Variants in MGAT5B observed in about 807,000 individuals in gnomAD.
The protein encoded by MGAT5B is alpha-1,6-mannosylglycoprotein 6-beta-N-acetylglucosaminyltransferase B, also known as N-acetylglucosaminyl-transferase Vb.
MGAT5B carries 54 observed loss-of-function variants against 95.1 expected under a neutral mutation model. That is an observed-to-expected ratio of 0.57 (90% confidence interval 0.46 to 0.71). The LOEUF (loss-of-function observed/expected upper bound fraction) is 0.71. Ranked by LOEUF, MGAT5B falls within the 30% of genes least tolerant of loss-of-function variation. The pLI is 0.00. For missense variants in MGAT5B, 935 were observed against 1,088.6 expected, an observed-to-expected ratio of 0.86 and a Z score of 1.99; for synonymous variants, 464 against 451.0, an observed-to-expected ratio of 1.03 and a Z score of -0.36.
At position 76,904,395 on chromosome 17, in the gene MGAT5B, G is replaced by A; in HGVS notation, c.663G>A (p.Arg221=). The A allele has an allele frequency of 6.4e-7, 1 of 1,565,064 alleles. No homozygotes were observed. Among genetic ancestry groups the A allele is most frequent in the Admixed American group, 1.9e-5 (1 of 52,326 alleles). Residue 221 remains arginine (R), a synonymous_variant, in exon 6 of 18, where the codon AGG becomes AGA. Transcript: ENST00000569840. ...LPWRNQTAAQ[R]APKPLPKVQA... ...GGAGGAACCAGACGGCTGCCCAGAG[G>A]GCACCCAAGCCCCTCCCCAAAGTCC...
At chr17:76,936,985 G>A (rs1027901450) in intron 12 of MGAT5B, among the ~76,000 whole-genome samples, 1 of 148,362 alleles carries the variant, frequency 6.7e-6, no homozygotes, top group Non-Finnish European at 1.5e-5. Flanking sequence ...AGTACTGGGA[G>A]TTTGATTGGG....
chr17:76,877,201 T>C (rs1598889310), intron 2 of MGAT5B, among the ~76,000 whole-genome samples: 1 of 152,146 alleles, frequency 6.6e-6, no homozygotes, highest in East Asian at 1.9e-4. Context: ...TGGCACGTGC[T>C]GTCATCTCAG....
At chr17:76,898,107 A>G (rs1233497008) in intron 3 of MGAT5B, among the ~76,000 whole-genome samples, 1 of 152,108 alleles carries the variant, frequency 6.6e-6, no homozygotes, top group Non-Finnish European at 1.5e-5. Context: ...CACTAATATT[A>G]AAGTTAGAAC....
Position 76,930,847 on chromosome 17 carries a change from G to C in MGAT5B, c.1292-1798G>C, listed in dbSNP as rs1048697738. ...CCACCCAAGAGAAGGCTTCCAGGAG[G>C]AGGTGTCGTGTGAGAGGGGCCCCGA... is the stretch of plus-strand genomic sequence containing the variant. On this transcript the variant is annotated intron_variant, in intron 10 of 17. Coordinates refer to ENST00000569840, the MANE Select transcript of MGAT5B (RefSeq NM_001199172.2). The surrounding 1 kb of genome is among the most constrained non-coding windows in gnomAD (Gnocchi z 4.1). 2.6e-5 allele frequency among the ~76,000 whole-genome samples: 4 copies of C among 152,214 alleles called. No individual in the cohort carries two copies. The highest frequency in any genetic ancestry group is 9.7e-5 in the African/African-American group (4 of 41,448).
intron 2 of MGAT5B, among the ~76,000 whole-genome samples, chr17:76,875,174 A>G (rs1379032343): frequency 1.3e-5 from 2 of 152,292 alleles, no homozygotes; most frequent in South Asian, 2.1e-4. Context: ...CTTTGTGAGC[A>G]TGGAATCGTT....
chr17:76,874,783 C>T (rs1184794894), intron 2 of MGAT5B, among the ~76,000 whole-genome samples: 1 of 152,080 alleles, frequency 6.6e-6, no homozygotes, highest in East Asian at 1.9e-4. Flanking sequence ...GGTGTAGGAG[C>T]CCTGCTGTGC....
rs1968880754 is a variant in MGAT5B, at chr17:76,915,155, T to C, written c.1025+8968T>C. Among the ~76,000 whole-genome samples the C allele has an allele frequency of 6.6e-6, 1 of 152,108 alleles. No individual in the cohort carries two copies. The highest frequency in any genetic ancestry group is 1.5e-5 in the Non-Finnish European group (1 of 68,020). Reference sequence around the variant, plus strand: ...TTCGAGATAAGAGAGTGCACTCATGTTTAAATGTGGCTGCAAAGGAGCCAG... The same window carrying C: ...TTCGAGATAAGAGAGTGCACTCATGCTTAAATGTGGCTGCAAAGGAGCCAG... On this transcript the variant is annotated intron_variant, in intron 8 of 17. Coordinates refer to ENST00000569840, the MANE Select transcript of MGAT5B (RefSeq NM_001199172.2). This position sits in a 1 kb window ranked among gnomAD's most constrained non-coding sequence, Gnocchi z 8.7.
intron 3 of MGAT5B, among the ~76,000 whole-genome samples, chr17:76,883,807 G>T (rs1967519043): frequency 6.6e-6 from 1 of 152,242 alleles, no homozygotes; most frequent in Admixed American, 6.5e-5. Context: ...CATTTCTAAA[G>T]TACGGAGTTG....
intron 15 of MGAT5B, among the ~76,000 whole-genome samples, chr17:76,942,699 G>T (rs532894718): frequency 6.6e-6 from 1 of 152,292 alleles, no homozygotes; most frequent in South Asian, 2.1e-4. Flanking sequence ...AGTGAAGGGG[G>T]TTAACTGATT....
chr17:76,930,985 A>C lies in MGAT5B; in HGVS notation c.1292-1660A>C, dbSNP rs1211370655. Among the ~76,000 whole-genome samples the C allele has an allele frequency of 6.6e-6, 1 of 152,226 alleles. No individual in the cohort carries two copies. Among genetic ancestry groups the C allele is most frequent in the African/African-American group, 2.4e-5 (1 of 41,458 alleles). ...GAATGGGAGGCTTTTCCCCTGTCTC[A>C]TCCATCTTTGTCCAGCATTCATAAA... On this transcript the variant is annotated intron_variant, in intron 10 of 17. Transcript: ENST00000569840. This position sits in a 1 kb window ranked among gnomAD's most constrained non-coding sequence, Gnocchi z 4.1.
chr17:76,919,345 G>C (rs1969048929), intron 8 of MGAT5B, among the ~76,000 whole-genome samples: 1 of 152,218 alleles, frequency 6.6e-6, no homozygotes. Context: ...GACAGCTGGA[G>C]AAGATGGGAC....
intron 9 of MGAT5B, among the ~76,000 whole-genome samples, chr17:76,925,738 TG>T (rs1969292855): frequency 6.6e-6 from 1 of 152,152 alleles, no homozygotes; most frequent in Non-Finnish European, 1.5e-5. Flanking sequence ...GCCTCTTCCC[TG>T]GGGGAAAAGT....
intron 2 of MGAT5B, among the ~76,000 whole-genome samples, chr17:76,880,108 T>C (rs1317488219): frequency 6.6e-6 from 1 of 152,156 alleles, no homozygotes; most frequent in East Asian, 1.9e-4. Flanking sequence ...GGAGGAAATA[T>C]GCCCATTTTC....
chr17:76,874,354 A>C (rs1967109903), intron 2 of MGAT5B, among the ~76,000 whole-genome samples: 1 of 151,714 alleles, frequency 6.6e-6, no homozygotes, highest in Non-Finnish European at 1.5e-5. Context: ...ATGAAAGAGG[A>C]CCAAGGAGGT....
intron 9 of MGAT5B, among the ~76,000 whole-genome samples, chr17:76,926,271 C>G (rs1328201210): frequency 6.6e-6 from 1 of 152,180 alleles, no homozygotes; most frequent in Non-Finnish European, 1.5e-5. Context: ...GAGGGACCCC[C>G]TCTCCAAGCA....
rs563752311 is a variant in MGAT5B at position 76,940,340 on chromosome 17, T to C, written c.1585-62T>C. On this transcript the variant is annotated intron_variant, in intron 13 of 17. Coordinates refer to ENST00000569840, the MANE Select transcript of MGAT5B (RefSeq NM_001199172.2). The surrounding 1 kb of genome is among the most constrained non-coding windows in gnomAD (Gnocchi z 4.3). ...AAGCCTCACCTTGTCCCCGGCATCC[T>C]GGTGCTTACTGGGCTGTGGCGGCCC... 2 of 1,499,430 alleles carry C rather than the reference T, an allele frequency of 1.3e-6. No individual in the cohort carries two copies. Among genetic ancestry groups the C allele is most frequent in the East Asian group, 2.4e-5 (1 of 42,346 alleles). 92.9% of individuals were successfully genotyped at this position (1,499,430 alleles called of 1,614,324 possible). A position where few individuals can be genotyped will look rare whatever the true frequency, so the allele number is the denominator to read the frequency against.
intron 3 of MGAT5B, among the ~76,000 whole-genome samples, chr17:76,895,538 G>A (rs1968035627): frequency 6.6e-6 from 1 of 152,174 alleles, no homozygotes; most frequent in African/African-American, 2.4e-5. Flanking sequence ...ACGTCAGCAG[G>A]CAGTGCTAGG....
At position 76,917,001 on chromosome 17, in the gene MGAT5B, C is replaced by G. The variant is rs1034557681; in HGVS notation, c.1026-7965C>G. Among the ~76,000 whole-genome samples the G allele has an allele frequency of 1.3e-5, 2 of 152,078 alleles. No homozygotes were observed. Among genetic ancestry groups the G allele is most frequent in the African/African-American group, 4.8e-5 (2 of 41,386 alleles). ...AAGCCGGCAGAAGCACAGGGTGGTA[C>G]GAATAACCCCCTAGCACTCTTCCCG... On this transcript the variant is annotated intron_variant, in intron 8 of 17. Transcript: ENST00000569840. The surrounding 1 kb of genome is among the most constrained non-coding windows in gnomAD (Gnocchi z 6.1).
At chr17:76,883,912 C>T (rs1200911493) in intron 3 of MGAT5B, among the ~76,000 whole-genome samples, 2 of 152,174 alleles carry the variant, frequency 1.3e-5, no homozygotes, top group African/African-American at 2.4e-5. Context: ...AAACACAGTG[C>T]GCCCATGTGG....
Sources: gnomAD v4.1 joint callset for allele counts (sites outside exome capture counted in the v4.1 genomes callset) on GRCh38, gnomAD v4.1.1 for gene constraint, Gnocchi (gnomAD v3.1) non-coding constraint, MANE v1.5 for transcripts, NCBI Gene and HGNC (gene_info 2026-07-23, HGNC 2026-07-21) for gene names.